The following TAFA5 variants were observed in gnomAD, a reference collection of about 807,000 sequenced individuals.
TAFA5 encodes TAFA chemokine like family member 5, also known as chemokine-like protein TAFA-5.
In TAFA5, 6 loss-of-function variants were observed where a neutral mutation model predicts 15.3. The ratio of observed to expected loss-of-function variants is 0.39; its 90% CI spans 0.21 to 0.77. The LOEUF is 0.77. Ranked by LOEUF, TAFA5 falls within the 30% of genes least tolerant of loss-of-function variation. The probability of loss-of-function intolerance (pLI) is 0.41; values close to 1 mark genes in which losing one functional copy is unlikely to be tolerated. For missense variants in TAFA5, 161 were observed against 193.1 expected, an observed-to-expected ratio of 0.83 and a Z score of 0.98; for synonymous variants, 103 against 80.7, an observed-to-expected ratio of 1.28 and a Z score of -1.48.
At chr22:48,667,608 T>A (rs367652189) in intron 2 of TAFA5, among the ~76,000 whole-genome samples, 2 of 152,360 alleles carry the variant, frequency 1.3e-5, no homozygotes, top group East Asian at 1.9e-4. Flanking sequence ...GACTCCGCAC[T>A]GCGTTATAAC....
At chr22:48,720,106 C>T (rs1330650315) in intron 3 of TAFA5, among the ~76,000 whole-genome samples, 2 of 152,136 alleles carry the variant, frequency 1.3e-5, no homozygotes, top group Non-Finnish European at 2.9e-5. Context: ...TGAGGACGCT[C>T]GCCCGGTGCA....
chr22:48,513,511 G>A (rs1037611545), intron 1 of TAFA5, among the ~76,000 whole-genome samples: 4 of 152,304 alleles, frequency 2.6e-5, no homozygotes, highest in East Asian at 3.9e-4. Context: ...ACCCCATGCC[G>A]GCTTCTAACT....
chr22:48,581,879 G>GC (rs1924058007), intron 1 of TAFA5, among the ~76,000 whole-genome samples: 1 of 152,126 alleles, frequency 6.6e-6, no homozygotes, highest in Non-Finnish European at 1.5e-5. Context: ...GGGGAGGGAG[G>GC]CATCCTCACC....
In TAFA5 at chr22:48,736,466, TGAGAACCGCACTCCTAGGGTCCATC is replaced by T. The variant is rs1930030256; in HGVS notation, c.391-13372_391-13348del. 7.9e-5 allele frequency among the ~76,000 whole-genome samples: 2 copies of T among 25,462 alleles called. 1 individual carries two copies. Among genetic ancestry groups the T allele is most frequent in the Non-Finnish European group, 1.6e-4 (2 of 12,886 alleles). The allele number at this position is 25,462 out of a possible 152,430, so 16.7% of individuals were successfully genotyped here. A position where few individuals can be genotyped will look rare whatever the true frequency, so the allele number is the denominator to read the frequency against. ...CTAGGGTCCATCCCCCCAGGAGGAA[TGAGAACCGCACTCCTAGGGTCCATC>T]CCCCCAGGAGGAATGAGAACATGTC... On this transcript the variant is annotated intron_variant, in intron 3 of 3. Coordinates refer to ENST00000402357, the MANE Select transcript of TAFA5 (RefSeq NM_001082967.3).
chr22:48,601,899 C>T (rs558503079), intron 1 of TAFA5, among the ~76,000 whole-genome samples: 41 of 152,352 alleles, frequency 2.7e-4, no homozygotes, highest in Non-Finnish European at 2.8e-4. Flanking sequence ...TCCACACAGT[C>T]GCACACCATT....
At position 48,608,838 on chromosome 22, in the gene TAFA5, A is replaced by T. The variant is rs539482534; in HGVS notation, c.113-37759A>T. ...AGAGGGCAGGCACCCGACGCTCGGG[A>T]GCTCTGTGCCCCATGGCAAAGCTTT... On this transcript the variant is annotated intron_variant, in intron 1 of 3. Coordinates refer to ENST00000402357, the MANE Select transcript of TAFA5 (RefSeq NM_001082967.3). 1.5e-3 allele frequency among the ~76,000 whole-genome samples: 223 copies of T among 152,308 alleles called. 1 individual carries two copies. The Middle Eastern group carries it at 0.017, about 12-fold the overall frequency.
chr22:48,667,195 C>T lies in TAFA5; in HGVS notation c.262+20449C>T, dbSNP rs542205824. On this transcript the variant is annotated intron_variant, in intron 2 of 3. Coordinates refer to ENST00000402357, the MANE Select transcript of TAFA5 (RefSeq NM_001082967.3). ...CAGGGATGAGGTCTGCCCATCCGAG[C>T]GGCCTGCAGGAGGAGCCTGGAGCCC... Among the ~76,000 whole-genome samples, 239 of 152,248 alleles carry T rather than the reference C, an allele frequency of 1.6e-3. 2 individuals carry two copies. Among genetic ancestry groups the T allele is most frequent in the African/African-American group, 5.6e-3 (234 of 41,552 alleles).
intron 2 of TAFA5, among the ~76,000 whole-genome samples, chr22:48,666,487 G>A (rs927912989): frequency 5.3e-5 from 8 of 151,790 alleles, no homozygotes; most frequent in Non-Finnish European, 1.2e-4. Flanking sequence ...CAATTGATGA[G>A]CCAATACTGA....
At chr22:48,690,456 C>T (rs1162565727) in intron 2 of TAFA5, among the ~76,000 whole-genome samples, 1 of 152,154 alleles carries the variant, frequency 6.6e-6, no homozygotes, top group Non-Finnish European at 1.5e-5. Context: ...CCCTACTGGC[C>T]TCTCCAGCCC....
chr22:48,576,668 C>T, intron 1 of TAFA5: 3 of 1,216,530 alleles, frequency 2.5e-6, no homozygotes, highest in African/African-American at 1.6e-5. Flanking sequence ...TCCGCTGCCG[C>T]CGCGCTCGGC....
chr22:48,554,823 T>C (rs896180179), intron 1 of TAFA5, among the ~76,000 whole-genome samples: 1 of 152,192 alleles, frequency 6.6e-6, no homozygotes, highest in African/African-American at 2.4e-5. Context: ...GGTCTCTCTT[T>C]CCCCGAGTGT....
chr22:48,583,211 C>G (rs1217584399), intron 1 of TAFA5, among the ~76,000 whole-genome samples: 1 of 147,264 alleles, frequency 6.8e-6, no homozygotes, highest in Non-Finnish European at 1.5e-5. Flanking sequence ...ATACACATAC[C>G]ACACACCACA....
At chr22:48,632,914 A>G (rs1926284933) in intron 1 of TAFA5, among the ~76,000 whole-genome samples, 2 of 152,172 alleles carry the variant, frequency 1.3e-5, no homozygotes, top group Non-Finnish European at 2.9e-5. Context: ...TAGAGACCCC[A>G]TGGGCCTGCA....
intron 2 of TAFA5, among the ~76,000 whole-genome samples, chr22:48,696,051 G>A (rs142683146): frequency 3.9e-5 from 6 of 152,236 alleles, no homozygotes; most frequent in East Asian, 3.9e-4. Context: ...CACCTGCCCC[G>A]GACCCCTGGT....
chr22:48,551,771 C>T (rs1317791627), intron 1 of TAFA5, among the ~76,000 whole-genome samples: 1 of 152,138 alleles, frequency 6.6e-6, no homozygotes, highest in Admixed American at 6.5e-5. Context: ...CCTTCTCTCG[C>T]CTCCCCAAAG....
At chr22:48,701,486 C>T (rs1441349936) in intron 2 of TAFA5, among the ~76,000 whole-genome samples, 1 of 152,144 alleles carries the variant, frequency 6.6e-6, no homozygotes, top group Non-Finnish European at 1.5e-5. Context: ...CCTCAGCTGC[C>T]TTTCCTAGGG....
intron 1 of TAFA5, among the ~76,000 whole-genome samples, chr22:48,595,262 G>A (rs975526292): frequency 2.6e-5 from 4 of 152,232 alleles, no homozygotes; most frequent in Non-Finnish European, 5.9e-5. Context: ...CACCACCCGT[G>A]ATCAGCTCCA....
chr22:48,618,386 A>G (rs1021439598), intron 1 of TAFA5, among the ~76,000 whole-genome samples: 3 of 152,368 alleles, frequency 2.0e-5, no homozygotes, highest in Non-Finnish European at 4.4e-5. Flanking sequence ...TGAATTAGAA[A>G]AAGGCCATGC....
At chr22:48,513,027 G>T (rs918105379) in intron 1 of TAFA5, among the ~76,000 whole-genome samples, 12 of 152,140 alleles carry the variant, frequency 7.9e-5, no homozygotes, top group African/African-American at 2.7e-4. Flanking sequence ...AGACTGGTTT[G>T]TGGTGGGGGG....
Sources: allele counts gnomAD v4.1 joint callset (sites outside exome capture counted in the v4.1 genomes callset), GRCh38; gene constraint gnomAD v4.1.1; transcripts MANE v1.5; gene names NCBI Gene and HGNC (gene_info 2026-07-23, HGNC 2026-07-21).